The following USP47 variants were observed in gnomAD, a reference collection of about 807,000 sequenced individuals.
The protein encoded by USP47 is ubiquitin specific peptidase 47, also known as ubiquitin carboxyl-terminal hydrolase 47.
USP47 carries 35 observed loss-of-function variants against 165.1 expected under a neutral mutation model. The observed-to-expected ratio is 0.21, with a 90% confidence interval of 0.16 to 0.28. The LOEUF is 0.28. Ranked by LOEUF, USP47 falls within the 10% of genes least tolerant of loss-of-function variation. The pLI, the probability that USP47 is intolerant of heterozygous loss-of-function variation, is 1.00. For missense variants in USP47, 1,277 were observed against 1,607.4 expected (o/e 0.79, Z 3.52); for synonymous variants, 531 against 544.5 (o/e 0.98, Z 0.35).
At chr11:11,934,862 A>G (rs149775141) in intron 16 of USP47, among the ~76,000 whole-genome samples, 4 of 152,122 alleles carry the variant, frequency 2.6e-5, no homozygotes, top group Non-Finnish European at 5.9e-5. Context: ...AATGACTGAA[A>G]TTAAACAGTC....
intron 19 of USP47, among the ~76,000 whole-genome samples, chr11:11,940,845 C>T (rs1388886626): frequency 6.6e-6 from 1 of 151,520 alleles, no homozygotes; most frequent in Non-Finnish European, 1.5e-5. Context: ...ATTAGTCCTA[C>T]CTCTTTGGTG....
intron 1 of USP47, among the ~76,000 whole-genome samples, chr11:11,869,496 A>C (rs1361962640): frequency 6.6e-6 from 1 of 152,106 alleles, no homozygotes; most frequent in East Asian, 1.9e-4. Flanking sequence ...AGTCTTGATT[A>C]CTGTTGCTGT....
At chr11:11,899,466 C>T (rs7109869) in intron 5 of USP47, among the ~76,000 whole-genome samples, 2,456 of 152,172 alleles carry the variant, frequency 0.016, 60 homozygotes, top group African/African-American at 0.056. Context: ...TTAGAGCTTC[C>T]TTAGGTAAAC....
intron 11 of USP47, among the ~76,000 whole-genome samples, chr11:11,926,889 T>C (rs987126746): frequency 6.6e-6 from 1 of 151,418 alleles, no homozygotes; most frequent in African/African-American, 2.4e-5. Context: ...TGGTATGTTA[T>C]GTTTTTGTTT....
chr11:11,905,816 A>G (rs1186140311), intron 8 of USP47, among the ~76,000 whole-genome samples: 3 of 100,136 alleles, frequency 3.0e-5, no homozygotes, highest in Non-Finnish European at 5.9e-5. Context: ...AGATGATTTC[A>G]CTTTTATCTT....
chr11:11,844,797 G>T (rs1262958219), intron 1 of USP47, among the ~76,000 whole-genome samples: 1 of 151,930 alleles, frequency 6.6e-6, no homozygotes, highest in East Asian at 1.9e-4. Context: ...TTAGATGTGG[G>T]CATGTGTGCG....
At chr11:11,933,256 A>G (rs1319342034) in intron 15 of USP47, 140 bp downstream of exon 15, 3 of 735,408 alleles carry the variant, frequency 4.1e-6, no homozygotes, top group Non-Finnish European at 6.8e-6. Context: ...CAACTATACT[A>G]TAAAGGTAAA....
chr11:11,908,314 C>A (rs1852718798), intron 8 of USP47, among the ~76,000 whole-genome samples: 1 of 150,632 alleles, frequency 6.6e-6, no homozygotes, highest in Non-Finnish European at 1.5e-5. Context: ...ATATTTATTT[C>A]TTTTTTTAGA....
chr11:11,922,496 G>A (rs1436343382), intron 10 of USP47, among the ~76,000 whole-genome samples: 1 of 151,844 alleles, frequency 6.6e-6, no homozygotes, highest in African/African-American at 2.4e-5. Context: ...CTAATTTGTT[G>A]TATTAGAATT....
Position 11,930,073 on chromosome 11 carries a change from T to A in USP47, c.1548T>A (p.His516Gln), listed in dbSNP as rs756974901. The change falls in exon 13 of 28, where the codon CAT (histidine) becomes CAA (glutamine). Residue 516 changes from histidine (H) to glutamine (Q), a missense_variant. This residue lies in a region of USP47 where 909 missense variants were observed against 1,068.1 expected (regional missense o/e 0.85). Transcript: ENST00000527733. Reference protein sequence around the residue: ...RITQEDIKKTHGGSSGSRGYY... With the variant: ...RITQEDIKKTQGGSSGSRGYY... ...CACAAGAGGACATTAAGAAAACACATGGTGGATCTTCAGGAAGCAGAGGAT... is the reference window on the plus strand; with the variant it reads ...CACAAGAGGACATTAAGAAAACACAAGGTGGATCTTCAGGAAGCAGAGGAT... The A allele has an allele frequency of 6.2e-7, 1 of 1,613,306 alleles. No homozygotes were observed. The highest frequency in any genetic ancestry group is 2.2e-5 in the East Asian group (1 of 44,836).
chr11:11,887,440 C>A (rs1590306023), intron 3 of USP47, among the ~76,000 whole-genome samples: 1 of 151,798 alleles, frequency 6.6e-6, no homozygotes, highest in Non-Finnish European at 1.5e-5. Flanking sequence ...TAGTTTCTGA[C>A]AAAACAGAGT....
rs771737208 is a variant in USP47 at position 11,872,152 on chromosome 11, G to A, written c.40-8025G>A. On this transcript the variant is annotated intron_variant, in intron 1 of 27. Transcript: ENST00000527733. Reference sequence around the variant, plus strand: ...AGCAGAAAGGCTAGGGGCTGGAATCGTCTGAAAGCTTCCTCACTCAACATG... The same window carrying A: ...AGCAGAAAGGCTAGGGGCTGGAATCATCTGAAAGCTTCCTCACTCAACATG... Among the ~76,000 whole-genome samples, 4 of 152,138 alleles carry A rather than the reference G, an allele frequency of 2.6e-5. No homozygotes were observed. In the East Asian group the frequency reaches 7.7e-4, roughly 29 times the overall value.
At chr11:11,862,669 A>T (rs1022866009) in intron 1 of USP47, among the ~76,000 whole-genome samples, 4 of 152,164 alleles carry the variant, frequency 2.6e-5, no homozygotes, top group Admixed American at 2.0e-4. Flanking sequence ...AGCTAAGGCT[A>T]AGAAGACTTT....
chr11:11,880,069 A>C, intron 1 of USP47, 108 bp from the exon 2 acceptor site: 1 of 723,740 alleles, frequency 1.4e-6, no homozygotes, highest in Non-Finnish European at 2.1e-6. Flanking sequence ...GAAAATACTT[A>C]GTATTTCCTG....
At chr11:11,891,268 G>A (rs1474835996) in intron 3 of USP47, among the ~76,000 whole-genome samples, 20 of 152,114 alleles carry the variant, frequency 1.3e-4, no homozygotes, top group Admixed American at 1.2e-3. Context: ...GTTTAATGAC[G>A]CTTTGCTCAG....
chr11:11,864,439 A>G (rs1242087772), intron 1 of USP47, among the ~76,000 whole-genome samples: 1 of 152,154 alleles, frequency 6.6e-6, no homozygotes, highest in Non-Finnish European at 1.5e-5. Flanking sequence ...TACTAAGTAC[A>G]TTCTTATTGT....
At chr11:11,868,224 A>G (rs1849809339) in intron 1 of USP47, among the ~76,000 whole-genome samples, 2 of 152,296 alleles carry the variant, frequency 1.3e-5, no homozygotes, top group South Asian at 4.1e-4. Flanking sequence ...TATAGTCAAG[A>G]TATAGAACAT....
chr11:11,852,451 C>T (rs1215168645), intron 1 of USP47, among the ~76,000 whole-genome samples: 1 of 152,150 alleles, frequency 6.6e-6, no homozygotes, highest in Admixed American at 6.5e-5. Flanking sequence ...TGTGCTCATC[C>T]TTGCTTTTTG....
chr11:11,922,647 G>C (rs1853916897), intron 10 of USP47, 77 bp from the exon 11 acceptor site: 2 of 1,165,614 alleles, frequency 1.7e-6, no homozygotes, highest in East Asian at 5.5e-5. Context: ...AATATTAGCA[G>C]TATATAGGTA....
Sources: allele counts gnomAD v4.1 joint callset (sites outside exome capture counted in the v4.1 genomes callset), GRCh38; gene constraint gnomAD v4.1.1; regional missense constraint gnomAD v4.1.1; transcripts MANE v1.5; gene names NCBI Gene and HGNC (gene_info 2026-07-23, HGNC 2026-07-21).